Variants in ADAMTS13 observed in about 807,000 individuals in gnomAD.
ADAMTS13 encodes ADAM metallopeptidase with thrombospondin type 1 motif 13, also known as A disintegrin and metalloproteinase with thrombospondin motifs 13.
A neutral mutation model predicts 155.1 loss-of-function variants in ADAMTS13; 110 were observed. That is an observed-to-expected ratio of 0.71 (90% CI 0.61 to 0.83). The LOEUF is 0.83. Among genes scored for constraint, ADAMTS13 ranks in the 40% least tolerant of loss-of-function variants. The pLI is 0.00. For missense variants in ADAMTS13, 1,707 were observed against 1,891.7 expected, an observed-to-expected ratio of 0.90 and a Z score of 1.81; for synonymous variants, 758 against 756.4, an observed-to-expected ratio of 1.00 and a Z score of -0.03.
At chr9:133,444,537 G>T (rs1841923071) in intron 19 of ADAMTS13, among the ~76,000 whole-genome samples, 1 of 152,136 alleles carries the variant, frequency 6.6e-6, no homozygotes, top group Admixed American at 6.5e-5. Flanking sequence ...CAACTCCCGG[G>T]CTCAAGCAGT....
rs375820562 is a variant in ADAMTS13, at chr9:133,440,335, C to T, written c.1787-9C>T. 1.9e-6 allele frequency: 3 copies of T among 1,613,778 alleles called. No homozygotes were observed. In the African/African-American group the frequency reaches 4.0e-5, roughly 22 times the overall value. On this transcript the variant is annotated splice_polypyrimidine_tract_variant and intron_variant, in intron 15 of 28. Coordinates refer to ENST00000355699, the MANE Select transcript of ADAMTS13 (RefSeq NM_139027.6). This position sits in a 1 kb window ranked among gnomAD's most constrained non-coding sequence, Gnocchi z 4.3. Reference sequence around the variant, plus strand: ...CTCCACACAGCTAACAGGGCTGGTTCCCCGACAGCGGTGAGGATCGGAGGG... The same window carrying T: ...CTCCACACAGCTAACAGGGCTGGTTTCCCGACAGCGGTGAGGATCGGAGGG...
At chr9:133,417,786 G>C, upstream of ADAMTS13, 1 of 1,610,188 alleles carries the variant, frequency 6.2e-7, no homozygotes, top group Non-Finnish European at 8.5e-7. Context: ...GACAGGACCC[G>C]GCTTAGCCAC....
intron 15 of ADAMTS13, among the ~76,000 whole-genome samples, chr9:133,439,767 G>A (rs1222065375): frequency 6.6e-6 from 1 of 152,244 alleles, no homozygotes; most frequent in Non-Finnish European, 1.5e-5. Flanking sequence ...TACGCATGGA[G>A]TATTGCCCAC....
chr9:133,458,327 G>A (rs1588213558), intron 28 of ADAMTS13, among the ~76,000 whole-genome samples: 1 of 152,098 alleles, frequency 6.6e-6, no homozygotes, highest in South Asian at 2.1e-4. Context: ...AGGCCCAGGA[G>A]GGCAGATCAC....
At chr9:133,429,809 A>G (rs1840602553) in intron 7 of ADAMTS13, 130 bp from the exon 8 acceptor site, 1 of 1,260,138 alleles carries the variant, frequency 7.9e-7, no homozygotes, top group East Asian at 2.5e-5. Flanking sequence ...GCGCGGGCCG[A>G]GAACTCCTGT....
Position 133,423,094 on chromosome 9 carries a change from CT to C in ADAMTS13, c.106-5del, listed in dbSNP as rs782453555. ...CCCGGCCCCATCCATCTCTTTTTGTCTTGCAGAGTTGTCTTCAGGCTTTGGA... is the reference window on the plus strand; with the variant it reads ...CCCGGCCCCATCCATCTCTTTTTGTCTGCAGAGTTGTCTTCAGGCTTTGGA... On this transcript the variant is annotated splice_region_variant and splice_polypyrimidine_tract_variant and intron_variant, in intron 1 of 28. Coordinates refer to ENST00000355699, the MANE Select transcript of ADAMTS13 (RefSeq NM_139027.6). 1 of 1,613,658 alleles carries C rather than the reference CT, an allele frequency of 6.2e-7. No homozygotes were observed. Among genetic ancestry groups the C allele is most frequent in the Non-Finnish European group, 8.5e-7 (1 of 1,179,902 alleles).
intron 22 of ADAMTS13, among the ~76,000 whole-genome samples, chr9:133,448,950 C>T (rs1842252313): frequency 6.6e-6 from 1 of 152,222 alleles, no homozygotes; most frequent in Admixed American, 6.5e-5. Context: ...CCTGCCCTGC[C>T]AGGTGGGCCC....
chr9:133,456,320 C>G lies in ADAMTS13; in HGVS notation c.3547+105C>G. 6.4e-7 allele frequency: 1 copy of G among 1,554,828 alleles called. No homozygotes were observed. The highest frequency in any genetic ancestry group is 8.8e-7 in the Non-Finnish European group (1 of 1,141,262). On this transcript the variant is annotated intron_variant, in intron 26 of 28. Coordinates refer to ENST00000355699, the MANE Select transcript of ADAMTS13 (RefSeq NM_139027.6). This position sits in a 1 kb window ranked among gnomAD's most constrained non-coding sequence, Gnocchi z 4.4. ...TGGCAGGAGCCCATGTGCATTCCCA[C>G]CTGTAGTTTGCATCCCATCTCATGA... is the stretch of plus-strand genomic sequence containing the variant.
Position 133,440,387 on chromosome 9 carries a change from C to T in ADAMTS13, c.1830C>T (p.Ser610=), listed in dbSNP as rs36221217. The T allele has an allele frequency of 1.2e-3, 2,017 of 1,613,954 alleles. 36 individuals are homozygous for T. The African/African-American group carries it at 0.025, about 20-fold the overall frequency. The change falls in exon 16 of 29, where the codon AGC becomes AGT. Residue 610 remains serine, a synonymous_variant. Transcript: ENST00000355699. This position sits in a 1 kb window ranked among gnomAD's most constrained non-coding sequence, Gnocchi z 4.3. ...GGRYVVAGKM[S]ISPNTTYPSL... ...GCTATGTCGTGGCTGGGAAGATGAG[C>T]ATCTCCCCTAACACCACCTACCCCT... is the stretch of plus-strand genomic sequence containing the variant.
upstream of ADAMTS13, chr9:133,417,847 T>G: frequency 6.3e-7 from 1 of 1,598,204 alleles, no homozygotes; most frequent in African/African-American, 1.3e-5. Context: ...TTCCCCATCC[T>G]GCTGCCGTCC....
At chr9:133,446,789 C>T (rs1842092430) in intron 21 of ADAMTS13, among the ~76,000 whole-genome samples, 1 of 152,216 alleles carries the variant, frequency 6.6e-6, no homozygotes, top group Non-Finnish European at 1.5e-5. Context: ...TACATTTCCA[C>T]TAATGGTGCA....
At chr9:133,447,061 G>T (rs1004605159) in intron 21 of ADAMTS13, among the ~76,000 whole-genome samples, 2 of 152,106 alleles carry the variant, frequency 1.3e-5, no homozygotes, top group Non-Finnish European at 2.9e-5. Context: ...CACCATGTTG[G>T]CCAGGCTGGT....
At position 133,438,936 on chromosome 9, in the gene ADAMTS13, C is replaced by T. The variant is rs978592120; in HGVS notation, c.1706-430C>T. Among the ~76,000 whole-genome samples the T allele has an allele frequency of 9.0e-5, 13 of 143,738 alleles. No homozygotes were observed. In the South Asian group the frequency reaches 1.4e-3, roughly 15 times the overall value. 94.3% of individuals were successfully genotyped at this position (143,738 alleles called of 152,430 possible). On this transcript the variant is annotated intron_variant, in intron 14 of 28. Transcript: ENST00000355699. The stretch of plus-strand genomic sequence containing the variant: ...AAAAAAAAAAAAAAAAAAGTATGGA[C>T]GTTGTGCATTCTGTGGCAGCTACCC...
chr9:133,425,189 G>T lies in ADAMTS13; in HGVS notation c.331-340G>T, dbSNP rs1021426545. Among the ~76,000 whole-genome samples the T allele has an allele frequency of 1.3e-5, 2 of 152,204 alleles. No individual in the cohort carries two copies. The highest frequency in any genetic ancestry group is 4.8e-5 in the African/African-American group (2 of 41,446). ...AAAATACAAAACTTAGCTGGGCATG[G>T]TGGCAGGCGCCTGTAATCTGAGAGG... On this transcript the variant is annotated intron_variant, in intron 3 of 28. Coordinates refer to ENST00000355699, the MANE Select transcript of ADAMTS13 (RefSeq NM_139027.6). The surrounding 1 kb of genome is among the most constrained non-coding windows in gnomAD (Gnocchi z 4.6).
At chr9:133,429,684 G>A in intron 7 of ADAMTS13, 1 of 675,178 alleles carries the variant, frequency 1.5e-6, no homozygotes, top group Middle Eastern at 2.9e-4. Context: ...ACCTGCATCT[G>A]CTCCATCCCA....
rs587609050 is a variant in ADAMTS13, at chr9:133,449,546, C to T, written c.2862-237C>T. On this transcript the variant is annotated intron_variant, in intron 22 of 28. Coordinates refer to ENST00000355699, the MANE Select transcript of ADAMTS13 (RefSeq NM_139027.6). ...CCCTGCCCCCACTGTCTCTGGGATA[C>T]GACATCTGTCGTTTGCCCTCACCTT... is the stretch of plus-strand genomic sequence containing the variant. Among the ~76,000 whole-genome samples, 14 of 152,238 alleles carry T rather than the reference C, an allele frequency of 9.2e-5. No homozygotes were observed. In the East Asian group the frequency reaches 2.1e-3, roughly 23 times the overall value.
At chr9:133,420,735 T>C (rs1249616529), upstream of ADAMTS13, among the ~76,000 whole-genome samples, 1 of 152,224 alleles carries the variant, frequency 6.6e-6, no homozygotes, top group African/African-American at 2.4e-5. Flanking sequence ...TAGGTCCTAC[T>C]TTGAATTTAG....
rs782520598 is a variant in ADAMTS13 at position 133,445,781 on chromosome 9, C to A, written c.2693C>A (p.Thr898Asn). 5.6e-6 allele frequency: 9 copies of A among 1,600,268 alleles called. No homozygotes were observed. The highest frequency in any genetic ancestry group is 3.3e-5 in the South Asian group (3 of 90,462). ...RTGAQAAHVW[T>N]PAAGSCSVSC... ...GGGGCTCAAGCTGCACACGTGTGGA[C>A]CCCTGCGGCAGGGTCGTGCTCCGTC... Residue 898 changes from threonine to asparagine, a missense_variant, in exon 21 of 29, where the codon ACC becomes AAC. Physicochemically the swap from Thr to Asn is moderately conservative, Grantham distance 65. Coordinates refer to ENST00000355699, the MANE Select transcript of ADAMTS13 (RefSeq NM_139027.6). This position sits in a 1 kb window ranked among gnomAD's most constrained non-coding sequence, Gnocchi z 5.0.
intron 24 of ADAMTS13, 65 bp downstream of exon 24, chr9:133,454,684 G>T: frequency 6.6e-7 from 1 of 1,508,828 alleles, no homozygotes; most frequent in Non-Finnish European, 8.9e-7. Flanking sequence ...GGCTCCTCAT[G>T]TGTGAGGGAG....
Sources: gnomAD v4.1 joint callset for allele counts (sites outside exome capture counted in the v4.1 genomes callset) on GRCh38, gnomAD v4.1.1 for gene constraint, Gnocchi (gnomAD v3.1) non-coding constraint, MANE v1.5 for transcripts, NCBI Gene and HGNC (gene_info 2026-07-23, HGNC 2026-07-21) for gene names.